The following ERCC5 variants were observed in gnomAD, a reference collection of about 807,000 sequenced individuals.
ERCC5 encodes the protein DNA excision repair protein ERCC-5.
A neutral mutation model predicts 105.6 loss-of-function variants in ERCC5; 68 were observed. The observed-to-expected ratio is 0.64, with a 90% CI of 0.53 to 0.79. The LOEUF (loss-of-function observed/expected upper bound fraction) is 0.79. Ranked by LOEUF, ERCC5 falls within the 30% of genes least tolerant of loss-of-function variation. The pLI, the probability that ERCC5 is intolerant of heterozygous loss-of-function variation, is 0.00. For missense variants in ERCC5, 1,373 were observed against 1,426.7 expected (o/e 0.96, Z 0.61); for synonymous variants, 546 against 526.2 (o/e 1.04, Z -0.51).
In ERCC5 at chr13:102,854,339, T is replaced by C. The variant is rs753165139; in HGVS notation, c.432T>C (p.Tyr144=). 1.2e-6 allele frequency: 2 copies of C among 1,614,234 alleles called. No homozygotes were observed. Among genetic ancestry groups the C allele is most frequent in the Non-Finnish European group, 1.7e-6 (2 of 1,180,044 alleles). The change falls in exon 4 of 15, where the codon TAT becomes TAC. Residue 144 remains tyrosine (Y), a synonymous_variant. Coordinates refer to ENST00000652225, the MANE Select transcript of ERCC5 (RefSeq NM_000123.4). ...LTQVRRENDL[Y]VLPPLQEEEK... ...AAGTTCGAAGAGAAAACGACCTCTA[T>C]GTTTTGCCTCCTTTACAAGAGGAAG...
intron 6 of ERCC5, chr13:102,859,047 A>AG: frequency 7.2e-6 from 3 of 418,732 alleles, no homozygotes; most frequent in South Asian, 5.2e-5. Context: ...GCTAGAGTGG[A>AG]GGTGGTATGT....
At chr13:102,854,058 G>A (rs1305770435) in intron 3 of ERCC5, 186 bp downstream of exon 3, 2 of 731,204 alleles carry the variant, frequency 2.7e-6, no homozygotes, top group Non-Finnish European at 4.6e-6. Flanking sequence ...CGTTCTGTGA[G>A]AATCAACTTT....
At chr13:102,873,597 C>G (rs1883102737) in intron 14 of ERCC5, among the ~76,000 whole-genome samples, 1 of 152,162 alleles carries the variant, frequency 6.6e-6, no homozygotes, top group South Asian at 2.1e-4. Context: ...AGTCTAATAA[C>G]TGATTTCACA....
At chr13:102,861,759 A>T (rs750803141) in intron 7 of ERCC5, 45 bp downstream of exon 7, 2 of 1,606,500 alleles carry the variant, frequency 1.2e-6, no homozygotes, top group South Asian at 2.2e-5. Context: ...AAAATCAAAG[A>T]TATATCATGA....
chr13:102,852,385 A>G, intron 2 of ERCC5, 92 bp downstream of exon 2: 1 of 1,438,080 alleles, frequency 7.0e-7, no homozygotes, highest in Non-Finnish European at 9.5e-7. Flanking sequence ...TTTTCTCTTT[A>G]GAATTTTAGA....
At chr13:102,869,450 A>ACTTCT (rs10631007) in intron 12 of ERCC5, among the ~76,000 whole-genome samples, 151,916 of 152,218 alleles carry the variant, frequency 1, 75,808 homozygotes, top group Middle Eastern at 1. Flanking sequence ...GTAATTTTAG[A>ACTTCT]CTTCACACAT....
At chr13:102,846,786 G>T (rs1245297879) in intron 1 of ERCC5, among the ~76,000 whole-genome samples, 2 of 152,178 alleles carry the variant, frequency 1.3e-5, no homozygotes, top group African/African-American at 4.8e-5. Context: ...TTTGATCCGT[G>T]GTAGGTTGAT....
rs757373248 is a variant in ERCC5 at position 102,866,274 on chromosome 13, A to T, written c.2212A>T (p.Thr738Ser). 1 of 1,614,190 alleles carries T rather than the reference A, an allele frequency of 6.2e-7. No homozygotes were observed. The highest frequency in any genetic ancestry group is 8.5e-7 in the Non-Finnish European group (1 of 1,180,018). The part of the protein sequence containing the change: ...WQDINLEELE[T>S]LESNLLAQQN... ...AAACATTTTATAGGAGGAGTTGGAAACTCTGGAGAGCAACCTCTTAGCACA... is the reference window on the plus strand; with the variant it reads ...AAACATTTTATAGGAGGAGTTGGAATCTCTGGAGAGCAACCTCTTAGCACA... Residue 738 changes from threonine to serine, a missense_variant, in exon 10 of 15, where the codon ACT (threonine) becomes TCT (serine). Physicochemically the swap from Thr to Ser is moderately conservative, Grantham distance 58. This residue lies in a region of ERCC5 where 1,004 missense variants were observed against 1,059.7 expected (regional missense o/e 0.95). Coordinates refer to ENST00000652225, the MANE Select transcript of ERCC5 (RefSeq NM_000123.4).
rs2140544193 is a variant in ERCC5 at position 102,875,832 on chromosome 13, A to T, written c.3490A>T (p.Thr1164Ser). The T allele has an allele frequency of 6.2e-7, 1 of 1,613,454 alleles. No individual in the cohort carries two copies. The highest frequency in any genetic ancestry group is 8.5e-7 in the Non-Finnish European group (1 of 1,180,008). ...DGGKEKMVLVTARSVFGKKRR... is the reference protein window; with the variant it reads ...DGGKEKMVLVSARSVFGKKRR... ...AGGGAAAGAGAAGATGGTCCTCGTG[A>T]CCGCCAGATCTGTGTTTGGGAAGAA... Residue 1164 changes from threonine (T) to serine (S), a missense_variant, in exon 15 of 15, where the codon ACC (threonine) becomes TCC (serine). Physicochemically the swap from Thr to Ser is moderately conservative, Grantham distance 58. Transcript: ENST00000652225.
Position 102,852,309 on chromosome 13 carries a change from T to C in ERCC5, c.264+16T>C. The C allele has an allele frequency of 6.2e-7, 1 of 1,611,756 alleles. No homozygotes were observed. Among genetic ancestry groups the C allele is most frequent in the South Asian group, 1.1e-5 (1 of 89,786 alleles). Reference sequence around the variant, plus strand: ...ACAGACTTTGGTAAGTGTCGTATAGTTTTTAGTAAGTGTCAAATAATTTTT... The same window carrying C: ...ACAGACTTTGGTAAGTGTCGTATAGCTTTTAGTAAGTGTCAAATAATTTTT... On this transcript the variant is annotated intron_variant, in intron 2 of 14. Coordinates refer to ENST00000652225, the MANE Select transcript of ERCC5 (RefSeq NM_000123.4).
At chr13:102,866,472 G>A in intron 10 of ERCC5, 91 bp downstream of exon 10, 1 of 1,610,770 alleles carries the variant, frequency 6.2e-7, no homozygotes, top group East Asian at 2.2e-5. Context: ...TGTGCCCCCT[G>A]GTGCTCAGGG....
At position 102,875,322 on chromosome 13, in the gene ERCC5, G is replaced by C. The variant is rs1459869988; in HGVS notation, c.2980G>C (p.Asp994His). Residue 994 changes from aspartate to histidine, a missense_variant, in exon 15 of 15, where the codon GAT (aspartate) becomes CAT (histidine). By Grantham distance (81) the Asp-to-His change is moderately conservative. Around this residue, in one of 3 missense-constraint regions of ERCC5, gnomAD observed 367 missense variants for 350.2 expected, o/e 1.05. Coordinates refer to ENST00000652225, the MANE Select transcript of ERCC5 (RefSeq NM_000123.4). ...ATTTTTTTAGACACAGCTCCGAATT[G>C]ATTCCTTCTTTAGATTAGCACAACA... is the stretch of plus-strand genomic sequence containing the variant. ...LDAQQTQLRIDSFFRLAQQEK... is the reference protein window; with the variant it reads ...LDAQQTQLRIHSFFRLAQQEK... 35 of 1,613,668 alleles carry C rather than the reference G, an allele frequency of 2.2e-5. No homozygotes were observed. The highest frequency in any genetic ancestry group is 2.9e-5 in the Non-Finnish European group (34 of 1,179,980).
chr13:102,868,818 G>A (rs966161112), intron 12 of ERCC5, among the ~76,000 whole-genome samples: 1 of 152,238 alleles, frequency 6.6e-6, no homozygotes, highest in Non-Finnish European at 1.5e-5. Flanking sequence ...CCAGAACCCA[G>A]AGTCGTGCTA....
chr13:102,856,781 C>T (rs373754186), intron 5 of ERCC5, among the ~76,000 whole-genome samples: 10 of 152,214 alleles, frequency 6.6e-5, no homozygotes, highest in African/African-American at 1.7e-4. Flanking sequence ...GTCTTCCATG[C>T]GGCCAGCACC....
intron 1 of ERCC5, among the ~76,000 whole-genome samples, chr13:102,851,008 A>G (rs1882180862): frequency 1.3e-5 from 2 of 152,232 alleles, no homozygotes; most frequent in Non-Finnish European, 2.9e-5. Flanking sequence ...ACATTTTTTG[A>G]GAAGCACTTT....
rs140656732 is a variant in ERCC5 at position 102,862,466 on chromosome 13, A to T, written c.1317A>T (p.Gly439=). Residue 439 remains glycine (G), a synonymous_variant, in exon 8 of 15, where the codon GGA becomes GGT. Transcript: ENST00000652225. ...DEGLKVRDGK[G]IPFTATLASS... is the part of the protein sequence containing the mutation. ...GACTTAAAGTGAGAGATGGAAAAGG[A>T]ATACCGTTTACTGCAACACTTGCGT... The T allele has an allele frequency of 1.9e-6, 3 of 1,614,010 alleles. No individual in the cohort carries two copies. The highest frequency in any genetic ancestry group is 1.7e-6 in the Non-Finnish European group (2 of 1,180,040).
chr13:102,856,255 T>G, intron 5 of ERCC5, 143 bp downstream of exon 5: 1 of 742,336 alleles, frequency 1.3e-6, no homozygotes, highest in East Asian at 2.7e-5. Flanking sequence ...TGCATATATA[T>G]GTGTACATGT....
intron 3 of ERCC5, 121 bp from the exon 4 acceptor site, chr13:102,854,167 T>C (rs1392337883): frequency 1.8e-6 from 2 of 1,104,178 alleles, no homozygotes; most frequent in Non-Finnish European, 2.7e-6. Context: ...CAAGGTTCCT[T>C]CCTTTCTCTC....
rs562950347 is a variant in ERCC5 at position 102,862,688 on chromosome 13, A to C, written c.1539A>C (p.Ala513=). ...GTGCAGTGGTTAGACATAGTGACGC[A>C]CCTGGGCTCCCGAATGGAAGGGAAC... The part of the protein sequence containing the change: ...LESAVVRHSD[A]PGLPNGRELT... Residue 513 remains alanine, a synonymous_variant, in exon 8 of 15, where the codon GCA becomes GCC. Transcript: ENST00000652225. 4 of 1,614,076 alleles carry C rather than the reference A, an allele frequency of 2.5e-6. No homozygotes were observed. Among genetic ancestry groups the C allele is most frequent in the African/African-American group, 1.3e-5 (1 of 74,932 alleles).
Sources: allele counts gnomAD v4.1 joint callset (sites outside exome capture counted in the v4.1 genomes callset), GRCh38; gene constraint gnomAD v4.1.1; regional missense constraint gnomAD v4.1.1; transcripts MANE v1.5; gene names NCBI Gene and HGNC (gene_info 2026-07-23, HGNC 2026-07-21).